NEO1: variants seen among roughly 807,000 people sequenced by gnomAD.
NEO1 encodes neogenin 1.
Under a neutral mutation model 159.7 loss-of-function variants are expected in NEO1, and 63 were observed. The ratio of observed to expected loss-of-function variants is 0.39; its 90% CI spans 0.32 to 0.49. NEO1 has a LOEUF of 0.49. NEO1 is among the 20% of genes least tolerant of loss of function. The pLI is 0.85. For missense variants in NEO1, 1,615 were observed against 1,831.0 expected (o/e 0.88, Z 2.15); for synonymous variants, 633 against 662.0 (o/e 0.96, Z 0.67).
chr15:73,227,209 G>T (rs535225430), intron 7 of NEO1, among the ~76,000 whole-genome samples: 1 of 152,184 alleles, frequency 6.6e-6, no homozygotes, highest in Admixed American at 6.5e-5. Flanking sequence ...TATAAAGCCG[G>T]GTCAGGCCGG....
At chr15:73,137,507 C>T (rs2151755424) in intron 5 of NEO1, among the ~76,000 whole-genome samples, 1 of 152,224 alleles carries the variant, frequency 6.6e-6, no homozygotes, top group East Asian at 1.9e-4. Flanking sequence ...GTGGTGCAGT[C>T]TCTGCTCACT....
intron 8 of NEO1, 34 bp downstream of exon 8, chr15:73,236,540 C>T (rs201851993): frequency 4.0e-4 from 635 of 1,601,506 alleles, no homozygotes; most frequent in Middle Eastern, 2.8e-3. Context: ...CAGTTGGCTG[C>T]CTCTTGGTCA....
chr15:73,052,715 C>G lies in NEO1; in HGVS notation c.40C>G (p.Pro14Ala). 1 of 1,362,348 alleles carries G rather than the reference C, an allele frequency of 7.3e-7. No homozygotes were observed. Among genetic ancestry groups the G allele is most frequent in the Non-Finnish European group, 9.5e-7 (1 of 1,050,048 alleles). The allele number at this position is 1,362,348 out of a possible 1,614,324, so 84.4% of individuals were successfully genotyped here. Residue 14 changes from proline to alanine, a missense_variant, in exon 1 of 29, where the codon CCC (proline) becomes GCC (alanine). Transcript: ENST00000261908. Reference protein sequence around the residue: ...ERGARRLLSTPSFWLYCLLLL... With the variant: ...ERGARRLLSTASFWLYCLLLL... ...GGGAGCCCGGCGACTCCTCAGCACC[C>G]CCTCCTTCTGGCTCTACTGCCTGCT...
At chr15:73,211,927 A>T (rs180878995) in intron 7 of NEO1, among the ~76,000 whole-genome samples, 219 of 152,206 alleles carry the variant, frequency 1.4e-3, no homozygotes, top group Middle Eastern at 0.014. Context: ...TTGGTCAGGT[A>T]TTTTGTCCAG....
At chr15:73,098,594 G>T (rs147211755) in intron 1 of NEO1, among the ~76,000 whole-genome samples, 2 of 152,182 alleles carry the variant, frequency 1.3e-5, no homozygotes, top group South Asian at 2.1e-4. Context: ...ACAGTCTTGC[G>T]TACAACTGCA....
chr15:73,178,500 C>T, intron 7 of NEO1, 73 bp downstream of exon 7: 1 of 1,556,716 alleles, frequency 6.4e-7, no homozygotes, highest in Non-Finnish European at 8.7e-7. Context: ...GTCCAAATAA[C>T]TCATGATTGA....
chr15:73,200,949 T>TG (rs1161548619), intron 7 of NEO1, among the ~76,000 whole-genome samples: 6 of 152,060 alleles, frequency 3.9e-5, no homozygotes, highest in Admixed American at 3.9e-4. Flanking sequence ...CCCAAAATTT[T>TG]GGGTTTATAG....
chr15:73,111,699 C>T (rs2071000369), intron 1 of NEO1, among the ~76,000 whole-genome samples: 2 of 152,138 alleles, frequency 1.3e-5, no homozygotes, highest in Admixed American at 6.6e-5. Flanking sequence ...TGGCTCACTG[C>T]ATCCTCTTCC....
In NEO1 at chr15:73,260,335, G is replaced by A; in HGVS notation, c.2268G>A (p.Val756=). 2 of 1,614,044 alleles carry A rather than the reference G, an allele frequency of 1.2e-6. No homozygotes were observed. The highest frequency in any genetic ancestry group is 1.7e-6 in the Non-Finnish European group (2 of 1,179,992). The stretch of plus-strand genomic sequence containing the variant: ...GCCCGCTCGTTACTAGCATCGTAGT[G>A]AGCTGGACTCCTCCAGAGAATCAGA... ...HVRPLVTSIV[V]SWTPPENQNI... is the part of the protein sequence containing the mutation. Residue 756 remains valine (V), a synonymous_variant, in exon 15 of 29, where the codon GTG becomes GTA. Transcript: ENST00000261908.
chr15:73,124,001 A>T (rs1235070610), intron 3 of NEO1, among the ~76,000 whole-genome samples: 1 of 151,978 alleles, frequency 6.6e-6, no homozygotes, highest in Non-Finnish European at 1.5e-5. Flanking sequence ...CTCAGCAAGG[A>T]CAGTATCTTT....
intron 1 of NEO1, among the ~76,000 whole-genome samples, chr15:73,090,116 A>G (rs2069599825): frequency 1.3e-5 from 2 of 152,230 alleles, no homozygotes; most frequent in Admixed American, 6.5e-5. Flanking sequence ...ATAGGAATTG[A>G]TATAGAAATA....
At chr15:73,168,372 C>T (rs565176470) in intron 5 of NEO1, among the ~76,000 whole-genome samples, 5 of 19,964 alleles carry the variant, frequency 2.5e-4, no homozygotes, top group South Asian at 1.0e-3. Flanking sequence ...TTAGTAGAGA[C>T]GGGGGGTGGG....
intron 7 of NEO1, among the ~76,000 whole-genome samples, chr15:73,201,754 A>G (rs1479542489): frequency 6.6e-6 from 1 of 152,028 alleles, no homozygotes; most frequent in East Asian, 1.9e-4. Context: ...TGTTGGGTGC[A>G]TACATGTTTA....
intron 5 of NEO1, among the ~76,000 whole-genome samples, chr15:73,155,004 A>G (rs1487537335): frequency 7.1e-6 from 1 of 141,002 alleles, no homozygotes; most frequent in African/African-American, 2.6e-5. Flanking sequence ...AGTTTGTTTT[A>G]TAAAGTCTTT....
chr15:73,119,034 G>A (rs549377049), intron 2 of NEO1, among the ~76,000 whole-genome samples: 2 of 152,092 alleles, frequency 1.3e-5, no homozygotes, highest in South Asian at 4.1e-4. Flanking sequence ...AAAGGTACTA[G>A]TTTGTCAGTT....
chr15:73,299,029 C>CT (rs1239846142), intron 27 of NEO1, among the ~76,000 whole-genome samples: 2 of 152,080 alleles, frequency 1.3e-5, no homozygotes, highest in Non-Finnish European at 2.9e-5. Flanking sequence ...GCAGAAGTAA[C>CT]CTCAGAATAG....
Position 73,260,200 on chromosome 15 carries a change from A to G in NEO1, c.2204-71A>G. The stretch of plus-strand genomic sequence containing the variant: ...ACAGTGTGGTAGGAAGCTAAACACC[A>G]TTCCCCAAGGATGGTGAGATATTTT... On this transcript the variant is annotated intron_variant, in intron 14 of 28. Transcript: ENST00000261908. 4.2e-6 allele frequency: 6 copies of G among 1,437,406 alleles called. 1 individual carries two copies. The South Asian group carries it at 5.2e-5, about 13-fold the overall frequency. 89.0% of individuals were successfully genotyped at this position (1,437,406 alleles called of 1,614,324 possible).
intron 5 of NEO1, among the ~76,000 whole-genome samples, chr15:73,137,419 G>A (rs1175669072): frequency 2.6e-5 from 4 of 152,052 alleles, no homozygotes; most frequent in Non-Finnish European, 5.9e-5. Flanking sequence ...ATAGAGAAAG[G>A]TATCCCATTT....
At chr15:73,205,154 CA>C (rs964344100) in intron 7 of NEO1, among the ~76,000 whole-genome samples, 1 of 152,164 alleles carries the variant, frequency 6.6e-6, no homozygotes, top group African/African-American at 2.4e-5. Context: ...GATTAAGTCT[CA>C]GGTTTTCAGG....
Sources: gnomAD v4.1 joint callset for allele counts (sites outside exome capture counted in the v4.1 genomes callset) on GRCh38, gnomAD v4.1.1 for gene constraint, MANE v1.5 for transcripts, NCBI Gene and HGNC (gene_info 2026-07-23, HGNC 2026-07-21) for gene names.